WFDC8: variants seen among roughly 807,000 people sequenced by gnomAD.
WFDC8 encodes the protein WAP four-disulfide core domain 8, also known as WAP four-disulfide core domain protein 8.
Under a neutral mutation model 27.0 loss-of-function variants are expected in WFDC8, and 24 were observed. The ratio of observed to expected loss-of-function variants is 0.89; its 90% CI spans 0.64 to 1.25. The LOEUF is 1.25. Among genes scored for constraint, WFDC8 ranks in the 50% most tolerant of loss-of-function variants. WFDC8 has a pLI of 0.00. For missense variants in WFDC8, 287 were observed against 295.9 expected (o/e 0.97, Z 0.22); for synonymous variants, 106 against 99.7 (o/e 1.06, Z -0.38).
At chr20:45,556,930 T>A (rs1351636149) in intron 3 of WFDC8, among the ~76,000 whole-genome samples, 1 of 152,144 alleles carries the variant, frequency 6.6e-6, no homozygotes, top group Admixed American at 6.5e-5. Context: ...AAGGTCATGG[T>A]CACTGTTTGG....
At chr20:45,576,825 C>T (rs2093090) in intron 1 of WFDC8, among the ~76,000 whole-genome samples, 21,244 of 151,268 alleles carry the variant, frequency 0.14, 2,525 homozygotes, top group East Asian at 0.32. Context: ...TCCTTCAAAT[C>T]GTGTAAATCT....
chr20:45,563,447 C>T (rs6104222), intron 1 of WFDC8, among the ~76,000 whole-genome samples: 58,305 of 152,002 alleles, frequency 0.38, 11,661 homozygotes, highest in Non-Finnish European at 0.43. Context: ...CACCACTTAT[C>T]GGCTGTGTGG....
At chr20:45,574,236 A>G (rs6032340) in intron 1 of WFDC8, among the ~76,000 whole-genome samples, 58,743 of 151,928 alleles carry the variant, frequency 0.39, 11,829 homozygotes, top group Non-Finnish European at 0.43. Flanking sequence ...TATCGAAGAA[A>G]AATCTAGGAT....
At chr20:45,556,243 T>C (rs1168408109) in intron 3 of WFDC8, among the ~76,000 whole-genome samples, 1 of 152,248 alleles carries the variant, frequency 6.6e-6, no homozygotes, top group African/African-American at 2.4e-5. Context: ...GATATTAGAA[T>C]ACATTCTTAA....
intron 1 of WFDC8, among the ~76,000 whole-genome samples, chr20:45,577,152 A>G (rs1488987373): frequency 4.6e-5 from 7 of 151,234 alleles, no homozygotes; most frequent in African/African-American, 1.7e-4. Context: ...ACTACTATAA[A>G]CAAGCTTCCT....
intron 1 of WFDC8, among the ~76,000 whole-genome samples, chr20:45,574,860 A>T (rs149428971): frequency 1.7e-4 from 26 of 152,364 alleles, no homozygotes; most frequent in Admixed American, 1.6e-3. Flanking sequence ...CTTGGATGCA[A>T]GGATGGTTCA....
chr20:45,572,016 C>T (rs1402765258), intron 1 of WFDC8, among the ~76,000 whole-genome samples: 6 of 152,166 alleles, frequency 3.9e-5, no homozygotes, highest in Admixed American at 6.5e-5. Flanking sequence ...CTGGATTATG[C>T]AGTAATTCTA....
At chr20:45,568,181 G>T in intron 1 of WFDC8, 1 of 287,356 alleles carries the variant, frequency 3.5e-6, no homozygotes. Context: ...CAGAAAATTT[G>T]GAGTTGTTCC....
At chr20:45,559,631 T>C (rs562416716) in intron 2 of WFDC8, 1 of 152,354 alleles carries the variant, frequency 6.6e-6, no homozygotes, top group South Asian at 2.1e-4. Context: ...TACAGGCTGA[T>C]TATAAGAGTT....
chr20:45,573,213 C>T (rs1387503561), intron 1 of WFDC8, among the ~76,000 whole-genome samples: 1 of 152,162 alleles, frequency 6.6e-6, no homozygotes, highest in South Asian at 2.1e-4. Context: ...ATGGAGCTTT[C>T]CCCCTATGTT....
intron 1 of WFDC8, among the ~76,000 whole-genome samples, chr20:45,578,573 A>T (rs1452103756): frequency 7.0e-6 from 1 of 142,670 alleles, no homozygotes; most frequent in Non-Finnish European, 1.6e-5. Context: ...ACATCTGCTC[A>T]TACTCCAATA....
At chr20:45,571,551 A>T (rs531566199) in intron 1 of WFDC8, among the ~76,000 whole-genome samples, 2 of 152,290 alleles carry the variant, frequency 1.3e-5, no homozygotes, top group East Asian at 3.9e-4. Context: ...CATGCTATGC[A>T]ATAGATCTCA....
At chr20:45,576,929 C>A (rs1793474101) in intron 1 of WFDC8, among the ~76,000 whole-genome samples, 1 of 151,380 alleles carries the variant, frequency 6.6e-6, no homozygotes, top group African/African-American at 2.4e-5. Context: ...AATTTTATTA[C>A]AAGTTATCTA....
At chr20:45,572,350 T>G (rs1482694830) in intron 1 of WFDC8, among the ~76,000 whole-genome samples, 2 of 140,530 alleles carry the variant, frequency 1.4e-5, no homozygotes, top group African/African-American at 5.4e-5. Flanking sequence ...TGAGCCGAGA[T>G]CGTGCCACTG....
At chr20:45,558,470 G>C (rs1052714843) in intron 3 of WFDC8, among the ~76,000 whole-genome samples, 2 of 152,164 alleles carry the variant, frequency 1.3e-5, no homozygotes, top group African/African-American at 4.8e-5. Flanking sequence ...GCACATATTA[G>C]ATAGATGCCC....
chr20:45,577,297 T>C (rs1981077919), intron 1 of WFDC8, among the ~76,000 whole-genome samples: 1 of 151,456 alleles, frequency 6.6e-6, no homozygotes, highest in South Asian at 2.1e-4. Flanking sequence ...CAATGTGCCT[T>C]ACAAAGAAAT....
chr20:45,564,109 T>C (rs140262061), intron 1 of WFDC8, among the ~76,000 whole-genome samples: 143 of 152,194 alleles, frequency 9.4e-4, no homozygotes, highest in Non-Finnish European at 1.7e-3. Flanking sequence ...TGGACTGGGG[T>C]TTGTTTGGGC....
rs537215322 is a variant in WFDC8 at position 45,560,473 on chromosome 20, G to A, written c.137-1481C>T. Among the ~76,000 whole-genome samples the A allele has an allele frequency of 1.0e-3, 159 of 152,298 alleles. 2 individuals are homozygous for A. Among genetic ancestry groups the A allele is most frequent in the African/African-American group, 3.5e-3 (144 of 41,566 alleles). ...CGTAGCAAAGGATAGCTCATACAGCGCTTAATGTGTCTCCATGATTCTAAA... is the reference window on the plus strand; with the variant it reads ...CGTAGCAAAGGATAGCTCATACAGCACTTAATGTGTCTCCATGATTCTAAA... On this transcript the variant is annotated intron_variant, in intron 2 of 5. Coordinates refer to ENST00000289953, the MANE Select transcript of WFDC8 (RefSeq NM_130896.3).
chr20:45,562,432 C>T (rs1248229236), intron 1 of WFDC8, among the ~76,000 whole-genome samples: 1 of 152,192 alleles, frequency 6.6e-6, no homozygotes, highest in Non-Finnish European at 1.5e-5. Context: ...AATCCCCATA[C>T]CCTGCCATGG....
Sources: gnomAD v4.1 joint callset for allele counts (sites outside exome capture counted in the v4.1 genomes callset) on GRCh38, gnomAD v4.1.1 for gene constraint, MANE v1.5 for transcripts, NCBI Gene and HGNC (gene_info 2026-07-23, HGNC 2026-07-21) for gene names.